The following ROBO2 variants were observed in gnomAD, a reference collection of about 807,000 sequenced individuals.
ROBO2 encodes roundabout homolog 2.
ROBO2 carries 53 observed loss-of-function variants against 160.8 expected under a neutral mutation model. That is an observed-to-expected ratio of 0.33 (90% CI 0.26 to 0.41). The LOEUF (loss-of-function observed/expected upper bound fraction) is 0.41, where lower values mean the gene tolerates loss of function less well. ROBO2 is among the 10% of genes least tolerant of loss of function. ROBO2 has a pLI of 1.00. For synonymous variants in ROBO2, 664 were observed against 611.7 expected (o/e 1.09, Z -1.26); for missense variants, 1,577 against 1,722.4 (o/e 0.92, Z 1.49).
intron 2 of ROBO2, among the ~76,000 whole-genome samples, chr3:77,130,155 G>T (rs983046751): frequency 6.6e-6 from 1 of 152,132 alleles, no homozygotes; most frequent in Non-Finnish European, 1.5e-5. Flanking sequence ...AAGAGGGTCA[G>T]CTTCCATGAT....
chr3:76,492,357 G>A (rs74680301), intron 2 of ROBO2, among the ~76,000 whole-genome samples: 1 of 152,208 alleles, frequency 6.6e-6, no homozygotes, highest in East Asian at 1.9e-4. Flanking sequence ...GACATGACCT[G>A]TTTATGTGTT....
chr3:76,091,193 T>C (rs2069216280), intron 2 of ROBO2, among the ~76,000 whole-genome samples: 1 of 152,142 alleles, frequency 6.6e-6, no homozygotes, highest in Admixed American at 6.6e-5. Context: ...AAAAGACACA[T>C]TTGATACAGG....
chr3:77,568,227 A>G, intron 12 of ROBO2, 86 bp from the exon 14 acceptor site: 1 of 1,498,886 alleles, frequency 6.7e-7, no homozygotes, highest in South Asian at 1.2e-5. Context: ...ATTAGTTCTA[A>G]AGACATGAGG....
At chr3:76,755,892 A>G (rs1432508088) in intron 2 of ROBO2, among the ~76,000 whole-genome samples, 2 of 151,854 alleles carry the variant, frequency 1.3e-5, no homozygotes, top group East Asian at 2.0e-4. Flanking sequence ...CAACCATTGT[A>G]TCCCTTCCTT....
At chr3:77,608,077 A>C in intron 21 of ROBO2, 123 bp downstream of exon 22, 1 of 837,178 alleles carries the variant, frequency 1.2e-6, no homozygotes. Context: ...TGTTCATTGC[A>C]TTTCCCCCTC....
intron 2 of ROBO2, among the ~76,000 whole-genome samples, chr3:77,031,704 C>T (rs1177494759): frequency 6.9e-6 from 1 of 145,004 alleles, no homozygotes; most frequent in Non-Finnish European, 1.5e-5. Context: ...TAATATAATA[C>T]ATTATAATTA....
At chr3:77,287,439 A>T (rs973832561) in intron 2 of ROBO2, among the ~76,000 whole-genome samples, 30 of 151,938 alleles carry the variant, frequency 2.0e-4, no homozygotes, top group Non-Finnish European at 3.4e-4. Flanking sequence ...TTTTTCCATT[A>T]AAAAGAGCAA....
intron 2 of ROBO2, among the ~76,000 whole-genome samples, chr3:76,995,774 G>A (rs1039727502): frequency 3.3e-5 from 5 of 151,946 alleles, no homozygotes; most frequent in South Asian, 4.2e-4. Context: ...TGTTCATATC[G>A]TTTGCCCACT....
intron 2 of ROBO2, among the ~76,000 whole-genome samples, chr3:76,678,550 C>A (rs764252251): frequency 9.9e-5 from 15 of 152,156 alleles, no homozygotes; most frequent in Admixed American, 5.9e-4. Flanking sequence ...CACAGAGATA[C>A]TTGTCTTTGA....
At position 76,845,284 on chromosome 3, in the gene ROBO2, C is replaced by T. The variant is rs373021990; in HGVS notation, c.110-252730C>T. Among the ~76,000 whole-genome samples the T allele has an allele frequency of 5.9e-5, 9 of 151,972 alleles. No homozygotes were observed. The East Asian group carries it at 9.6e-4, about 16-fold the overall frequency. The stretch of plus-strand genomic sequence containing the variant: ...TTCTAACAGAGAATGTTATCTGAGA[C>T]GTTTAAATTGTAAATCCTTCACAAA... On this transcript the variant is annotated intron_variant, in intron 2 of 26. Coordinates refer to the ROBO2 transcript ENST00000487694.
At position 77,282,960 on chromosome 3, in the gene ROBO2, TA is replaced by T. The variant is rs71104670; in HGVS notation, c.388+184634del. On this transcript the variant is annotated intron_variant, in intron 2 of 25. Transcript: ENST00000461745. ...GATGGCATAAAGAGGCTTCTGCTTT[TA>T]AAAAAAAAAAAAATATTTGCTGATA... 6.7e-3 allele frequency among the ~76,000 whole-genome samples: 898 copies of T among 134,224 alleles called. 11 individuals are homozygous for T. Among genetic ancestry groups the T allele is most frequent in the East Asian group, 0.054 (245 of 4,534 alleles). The allele number at this position is 134,224 out of a possible 152,430, so 88.1% of individuals were successfully genotyped here. A position where few individuals can be genotyped will look rare whatever the true frequency, so the allele number is the denominator to read the frequency against.
chr3:76,105,975 T>G (rs2069910525), intron 2 of ROBO2, among the ~76,000 whole-genome samples: 1 of 152,156 alleles, frequency 6.6e-6, no homozygotes, highest in Admixed American at 6.5e-5. Context: ...TACATTAAAT[T>G]TATGTCTTTA....
chr3:77,574,791 C>T, intron 14 of ROBO2, 61 bp downstream of exon 15: 1 of 1,206,174 alleles, frequency 8.3e-7, no homozygotes, highest in Non-Finnish European at 1.2e-6. Context: ...GTTACAGTAC[C>T]TATTTGTTAT....
At chr3:76,945,059 T>G (rs2078441222) in intron 2 of ROBO2, among the ~76,000 whole-genome samples, 1 of 147,226 alleles carries the variant, frequency 6.8e-6, no homozygotes, top group South Asian at 2.2e-4. Context: ...CGGCTAATTT[T>G]TTGTACTTTT....
chr3:76,870,814 A>G (rs1389695539), intron 2 of ROBO2, among the ~76,000 whole-genome samples: 1 of 152,040 alleles, frequency 6.6e-6, no homozygotes, highest in South Asian at 2.1e-4. Context: ...TTAAAAAAAA[A>G]CACTCTGCCA....
intron 2 of ROBO2, among the ~76,000 whole-genome samples, chr3:76,537,100 A>T (rs1447191510): frequency 6.6e-6 from 1 of 151,954 alleles, no homozygotes; most frequent in African/African-American, 2.4e-5. Flanking sequence ...AAGGGGAGAG[A>T]GGTCAGAGGG....
chr3:75,988,419 T>C (rs1389817371), intron 2 of ROBO2, among the ~76,000 whole-genome samples: 3 of 152,122 alleles, frequency 2.0e-5, no homozygotes, highest in African/African-American at 4.8e-5. Flanking sequence ...CTTCATTCTT[T>C]TTAAGTCAAT....
chr3:76,933,205 C>A (rs2077467708), intron 2 of ROBO2, among the ~76,000 whole-genome samples: 1 of 152,050 alleles, frequency 6.6e-6, no homozygotes, highest in Non-Finnish European at 1.5e-5. Context: ...ACAATATTGC[C>A]AAAAATATGT....
At chr3:77,492,140 A>G (rs1021045226) in intron 4 of ROBO2, among the ~76,000 whole-genome samples, 1 of 152,228 alleles carries the variant, frequency 6.6e-6, no homozygotes, top group Admixed American at 6.5e-5. Context: ...CCAGATGGCC[A>G]GAAAAATTGT....
Sources: gnomAD v4.1 joint callset for allele counts (sites outside exome capture counted in the v4.1 genomes callset) on GRCh38, gnomAD v4.1.1 for gene constraint, MANE v1.5 for transcripts, NCBI Gene and HGNC (gene_info 2026-07-23, HGNC 2026-07-21) for gene names.